Variants in SULF1 observed in about 807,000 individuals in gnomAD.
SULF1 encodes the protein extracellular sulfatase Sulf-1.
A neutral mutation model predicts 110.5 loss-of-function variants in SULF1; 46 were observed. The observed-to-expected ratio is 0.42, with a 90% CI of 0.33 to 0.53. SULF1 has a LOEUF of 0.53. SULF1 is among the 20% of genes least tolerant of loss of function. The pLI, the probability that SULF1 is intolerant of heterozygous loss-of-function variation, is 0.12. For synonymous variants in SULF1, 371 were observed against 387.1 expected, an observed-to-expected ratio of 0.96 and a Z score of 0.49; for missense variants, 941 against 1,094.2, an observed-to-expected ratio of 0.86 and a Z score of 1.98.
chr8:69,474,825 G>A (rs746799809), intron 1 of SULF1, among the ~76,000 whole-genome samples: 4 of 152,070 alleles, frequency 2.6e-5, no homozygotes, highest in Non-Finnish European at 5.9e-5. Context: ...ATCACAAAAG[G>A]TTGTTATAAA....
intron 13 of SULF1, among the ~76,000 whole-genome samples, chr8:69,616,027 A>G (rs1217885171): frequency 6.6e-6 from 1 of 151,454 alleles, no homozygotes; most frequent in Non-Finnish European, 1.5e-5. Context: ...AAGACTTTAG[A>G]CCATTATTTT....
At chr8:69,649,926 T>C (rs116089757) in intron 22 of SULF1, among the ~76,000 whole-genome samples, 2,877 of 148,918 alleles carry the variant, frequency 0.019, 79 homozygotes, top group African/African-American at 0.062. Context: ...GTTACCATGA[T>C]GGTTGCAAAT....
At chr8:69,522,182 C>G (rs1331056453) in intron 3 of SULF1, among the ~76,000 whole-genome samples, 2 of 152,052 alleles carry the variant, frequency 1.3e-5, no homozygotes, top group Non-Finnish European at 2.9e-5. Flanking sequence ...TCCTGAGTAG[C>G]TGGGACTACA....
chr8:69,554,943 C>A (rs1424980103), intron 3 of SULF1, among the ~76,000 whole-genome samples: 1 of 132,516 alleles, frequency 7.5e-6, no homozygotes, highest in Non-Finnish European at 1.5e-5. Context: ...TGCGCCACTG[C>A]ACTCCAGCCT....
intron 21 of SULF1, among the ~76,000 whole-genome samples, 200 bp from the exon 22 acceptor site, chr8:69,640,608 T>TA (rs1172979434): frequency 1.3e-5 from 2 of 152,094 alleles, no homozygotes; most frequent in Admixed American, 6.5e-5. Flanking sequence ...TTTTTTTTTT[T>TA]ATCTTAAACC....
chr8:69,521,366 T>C (rs1812284996), intron 3 of SULF1, among the ~76,000 whole-genome samples: 1 of 152,074 alleles, frequency 6.6e-6, no homozygotes, highest in African/African-American at 2.4e-5. Context: ...ACAATATACG[T>C]AGTATATTTG....
intron 19 of SULF1, among the ~76,000 whole-genome samples, chr8:69,631,497 AG>A (rs1810541517): frequency 6.6e-6 from 1 of 152,254 alleles, no homozygotes; most frequent in Non-Finnish European, 1.5e-5. Flanking sequence ...CTGAGGCTTC[AG>A]TGAGCTGTGA....
At position 69,629,564 on chromosome 8, in the gene SULF1, G is replaced by A. The variant is rs143386315; in HGVS notation, c.2169G>A (p.Arg723=). Residue 723 remains arginine, a synonymous_variant, in exon 19 of 23, where the codon AGG becomes AGA. Coordinates refer to ENST00000402687, the MANE Select transcript of SULF1 (RefSeq NM_001128205.2). ...TTTTCAAGGAGAACAACCGTAGGAG[G>A]AAGAAGGAGAGGAAGGAGAAGAGAC... ...LQLFKENNRR[R]KKERKEKRRQ... 5.0e-3 allele frequency: 8,141 copies of A among 1,614,058 alleles called. 23 individuals carry two copies. Among genetic ancestry groups the A allele is most frequent in the Non-Finnish European group, 6.3e-3 (7,420 of 1,179,946 alleles).
intron 8 of SULF1, 79 bp downstream of exon 8, chr8:69,589,220 CG>C: frequency 7.2e-7 from 1 of 1,381,904 alleles, no homozygotes; most frequent in Non-Finnish European, 9.9e-7. Flanking sequence ...TCCTTTACCC[CG>C]TTTCCTTCCA....
At chr8:69,482,107 G>A (rs1809539689) in intron 1 of SULF1, among the ~76,000 whole-genome samples, 1 of 152,116 alleles carries the variant, frequency 6.6e-6, no homozygotes, top group Non-Finnish European at 1.5e-5. Flanking sequence ...ATGAGAAAGA[G>A]CACCAAGAAA....
chr8:69,472,237 T>C (rs1176301583), intron 1 of SULF1, among the ~76,000 whole-genome samples: 1 of 152,218 alleles, frequency 6.6e-6, no homozygotes, highest in African/African-American at 2.4e-5. Context: ...TTGGATTCTC[T>C]AAGGGTCATG....
At chr8:69,646,144 TC>T (rs112767734) in intron 22 of SULF1, among the ~76,000 whole-genome samples, 12,736 of 152,094 alleles carry the variant, frequency 0.084, 1,560 homozygotes, top group African/African-American at 0.27. Context: ...GTAATCCCTG[TC>T]CTAAAAGCAA....
chr8:69,585,146 G>GGTGT (rs141955554), intron 6 of SULF1, among the ~76,000 whole-genome samples: 2,029 of 150,356 alleles, frequency 0.013, 48 homozygotes, highest in African/African-American at 0.044. Flanking sequence ...CATGCATAGG[G>GGTGT]GTGTGTGTGT....
intron 3 of SULF1, among the ~76,000 whole-genome samples, chr8:69,519,410 A>C (rs1248926245): frequency 6.6e-6 from 1 of 152,136 alleles, no homozygotes; most frequent in African/African-American, 2.4e-5. Context: ...TGAATATCTA[A>C]GTGCTTCTGT....
rs751119181 is a variant in SULF1, at chr8:69,624,042, G to C, written c.1695G>C (p.Leu565Phe). ...TAAATCTGGAAGAAGAAGAAGAATT[G>C]CAAGTGTTGCAACCAAGAAACATTG... ...YDINLEEEEELQVLQPRNIAK... is the reference protein window; with the variant it reads ...YDINLEEEEEFQVLQPRNIAK... Residue 565 changes from leucine to phenylalanine, a missense_variant, in exon 15 of 23, where the codon TTG becomes TTC. Transcript: ENST00000402687. 1.9e-6 allele frequency: 3 copies of C among 1,614,044 alleles called. No individual in the cohort carries two copies. The highest frequency in any genetic ancestry group is 2.2e-5 in the South Asian group (2 of 91,084).
At chr8:69,640,130 A>AGAAAGAAG (rs1466558435) in intron 21 of SULF1, among the ~76,000 whole-genome samples, 11 of 149,550 alleles carry the variant, frequency 7.4e-5, no homozygotes, top group African/African-American at 2.2e-4. Flanking sequence ...AAAGGAAGGA[A>AGAAAGAAG]GAAGGAAGGA....
At chr8:69,603,381 G>A (rs867670220) in intron 11 of SULF1, 61 bp downstream of exon 11, 4 of 1,610,514 alleles carry the variant, frequency 2.5e-6, no homozygotes, top group Non-Finnish European at 3.4e-6. Context: ...CTGGTGCCCA[G>A]AGCCAGCCAG....
chr8:69,468,208 C>A (rs981490273), intron 1 of SULF1, among the ~76,000 whole-genome samples: 1 of 152,154 alleles, frequency 6.6e-6, no homozygotes, highest in Non-Finnish European at 1.5e-5. Flanking sequence ...ATTATCCTCA[C>A]CCTTTGCAGG....
chr8:69,523,677 A>G (rs1233816310), intron 3 of SULF1, among the ~76,000 whole-genome samples: 2 of 152,058 alleles, frequency 1.3e-5, no homozygotes, highest in African/African-American at 4.8e-5. Flanking sequence ...CGGTGGAATT[A>G]TAATTCACTA....
Sources: allele counts gnomAD v4.1 joint callset (sites outside exome capture counted in the v4.1 genomes callset), GRCh38; gene constraint gnomAD v4.1.1; transcripts MANE v1.5; gene names NCBI Gene and HGNC (gene_info 2026-07-23, HGNC 2026-07-21).